Variants in ARB2A observed in about 807,000 individuals in gnomAD.
The protein encoded by ARB2A is cotranscriptional regulator ARB2A.
the ARB2A span, among the ~76,000 whole-genome samples, chr5:93,721,232 G>T: frequency 1.3e-5 from 2 of 152,096 alleles, no homozygotes; most frequent in Non-Finnish European, 2.9e-5. Flanking sequence ...GGGTGAAGCG[G>T]CTGGTTACAG....
At chr5:93,728,884 T>TGG in the ARB2A span, among the ~76,000 whole-genome samples, 5 of 152,164 alleles carry the variant, frequency 3.3e-5, no homozygotes, top group African/African-American at 1.2e-4. Flanking sequence ...TTTGAAAGAC[T>TGG]GATATATTAA....
chr5:93,830,317 A>ATG, the ARB2A span, among the ~76,000 whole-genome samples: 1 of 55,550 alleles, frequency 1.8e-5, no homozygotes. Flanking sequence ...GTGTGTATAT[A>ATG]TATATATATA....
chr5:93,951,286 T>G, the ARB2A span, among the ~76,000 whole-genome samples: 1 of 152,206 alleles, frequency 6.6e-6, no homozygotes, highest in Non-Finnish European at 1.5e-5. Flanking sequence ...GTGGGTTGTC[T>G]CTCCACTTGA....
chr5:93,788,472 C>T, the ARB2A span, among the ~76,000 whole-genome samples: 372 of 152,210 alleles, frequency 2.4e-3, 2 homozygotes, highest in Non-Finnish European at 3.9e-3. Context: ...CCTAATTTAC[C>T]GCACCATGCT....
chr5:94,033,875 G>A, the ARB2A span, among the ~76,000 whole-genome samples: 1 of 152,206 alleles, frequency 6.6e-6, no homozygotes, highest in East Asian at 1.9e-4. Flanking sequence ...CCTTTAAGAG[G>A]TGATTAGGTC....
the ARB2A span, among the ~76,000 whole-genome samples, chr5:93,745,010 G>C: frequency 6.6e-6 from 1 of 152,184 alleles, no homozygotes; most frequent in Non-Finnish European, 1.5e-5. Context: ...CTATTATTAT[G>C]ATCTTTGGAA....
the ARB2A span, among the ~76,000 whole-genome samples, chr5:94,060,223 G>A: frequency 6.6e-5 from 10 of 152,084 alleles, no homozygotes; most frequent in South Asian, 6.2e-4. Flanking sequence ...GTGGTGGTGC[G>A]CACCTATAAT....
chr5:93,745,670 CA>C, the ARB2A span, among the ~76,000 whole-genome samples: 14 of 151,416 alleles, frequency 9.2e-5, no homozygotes, highest in South Asian at 6.3e-4. Context: ...GCAGAGTCTC[CA>C]AAAAAAAATT....
At chr5:93,926,906 C>G in the ARB2A span, among the ~76,000 whole-genome samples, 1 of 151,720 alleles carries the variant, frequency 6.6e-6, no homozygotes, top group African/African-American at 2.4e-5. Context: ...TCAAACTCAT[C>G]TCAAGAGAAC....
chr5:93,677,696 T>C, the ARB2A span, among the ~76,000 whole-genome samples: 623 of 152,290 alleles, frequency 4.1e-3, 4 homozygotes, highest in African/African-American at 0.014. Context: ...AAATAAACTG[T>C]TAATGATGTT....
chr5:93,828,806 C>A, the ARB2A span, among the ~76,000 whole-genome samples: 1 of 152,040 alleles, frequency 6.6e-6, no homozygotes, highest in African/African-American at 2.4e-5. Flanking sequence ...AGACAGAGTC[C>A]TGCTCTGTTG....
the ARB2A span, chr5:94,055,864 C>T: frequency 5.1e-6 from 5 of 985,456 alleles, no homozygotes; most frequent in Non-Finnish European, 6.0e-6. Context: ...ATAAGCAGAT[C>T]TTGCTTCTAA....
At chr5:93,879,473 T>C in the ARB2A span, among the ~76,000 whole-genome samples, 1 of 150,022 alleles carries the variant, frequency 6.7e-6, no homozygotes, top group Non-Finnish European at 1.5e-5. Context: ...GCAAAAAGAC[T>C]TAGAAAAGAG....
the ARB2A span, among the ~76,000 whole-genome samples, chr5:93,982,408 A>T: frequency 6.6e-6 from 1 of 152,224 alleles, no homozygotes; most frequent in Non-Finnish European, 1.5e-5. Flanking sequence ...AGCTGAATAT[A>T]TATGTATGTA....
the ARB2A span, among the ~76,000 whole-genome samples, chr5:93,924,659 G>A: frequency 2.6e-5 from 4 of 152,096 alleles, no homozygotes; most frequent in Admixed American, 2.0e-4. Flanking sequence ...GTAGTGAATA[G>A]GAAACAAACA....
At chr5:93,771,483 CA>C in the ARB2A span, among the ~76,000 whole-genome samples, 1 of 151,298 alleles carries the variant, frequency 6.6e-6, no homozygotes, top group Non-Finnish European at 1.5e-5. Context: ...AGAGCTTCTG[CA>C]CAGCAAAAGA....
chr5:93,820,523 A>G, the ARB2A span, among the ~76,000 whole-genome samples: 3 of 152,222 alleles, frequency 2.0e-5, no homozygotes, highest in African/African-American at 7.2e-5. Context: ...GTATAAGGCA[A>G]AAGTAAGTTG....
At chr5:93,811,039 T>C in the ARB2A span, among the ~76,000 whole-genome samples, 5 of 152,140 alleles carry the variant, frequency 3.3e-5, no homozygotes, top group Admixed American at 3.3e-4. Context: ...GTAGGTGCTA[T>C]TCTACATAGC....
the ARB2A span, among the ~76,000 whole-genome samples, chr5:93,754,815 C>G: frequency 6.6e-6 from 1 of 152,126 alleles, no homozygotes; most frequent in East Asian, 1.9e-4. Flanking sequence ...TTTCTATGTC[C>G]TATGAATATT....
Sources: gnomAD v4.1 joint callset for allele counts (sites outside exome capture counted in the v4.1 genomes callset) on GRCh38, gnomAD v4.1.1 for gene constraint, MANE v1.5 for transcripts, NCBI Gene and HGNC (gene_info 2026-07-23, HGNC 2026-07-21) for gene names.